The following RSRC1 variants were observed in gnomAD, a reference collection of about 807,000 sequenced individuals.
The protein encoded by RSRC1 is serine/Arginine-related protein 53.
In RSRC1, 39 loss-of-function variants were observed where a neutral mutation model predicts 49.1. The observed-to-expected ratio is 0.79, with a 90% CI of 0.61 to 1.04. The LOEUF (loss-of-function observed/expected upper bound fraction) is 1.04, where lower values mean the gene tolerates loss of function less well. RSRC1 is among the 50% of genes least tolerant of loss of function. The pLI is 0.00. For missense variants in RSRC1, 388 were observed against 402.4 expected (o/e 0.96, Z 0.31); for synonymous variants, 143 against 130.8 (o/e 1.09, Z -0.63).
intron 6 of RSRC1, among the ~76,000 whole-genome samples, chr3:158,458,913 A>G (rs1440917261): frequency 6.6e-6 from 1 of 152,206 alleles, no homozygotes; most frequent in Non-Finnish European, 1.5e-5. Flanking sequence ...CAGAAAGACA[A>G]AAAGAACATT....
intron 4 of RSRC1, among the ~76,000 whole-genome samples, chr3:158,255,682 CCATGAGCA>C (rs1724506161): frequency 6.6e-6 from 1 of 152,114 alleles, no homozygotes; most frequent in Admixed American, 6.5e-5. Context: ...TTCTTCCTGT[CCATGAGCA>C]TGGAATATTC....
chr3:158,290,528 G>A (rs141959967), intron 4 of RSRC1, among the ~76,000 whole-genome samples: 3,988 of 152,158 alleles, frequency 0.026, 182 homozygotes, highest in African/African-American at 0.092. Flanking sequence ...GCCCACCTTG[G>A]CCTCCCAAAG....
chr3:158,483,194 C>T (rs1738686589), intron 7 of RSRC1, among the ~76,000 whole-genome samples: 1 of 152,062 alleles, frequency 6.6e-6, no homozygotes, highest in African/African-American at 2.4e-5. Context: ...TACATTTGCA[C>T]TTCCATTGGA....
chr3:158,367,174 T>G (rs1307097071), intron 6 of RSRC1, among the ~76,000 whole-genome samples: 1 of 152,164 alleles, frequency 6.6e-6, no homozygotes, highest in Admixed American at 6.5e-5. Context: ...AATACTTTGT[T>G]GAATAGGAGT....
intron 3 of RSRC1, among the ~76,000 whole-genome samples, chr3:158,139,441 T>A (rs1056056272): frequency 6.6e-5 from 10 of 152,068 alleles, no homozygotes; most frequent in Non-Finnish European, 1.5e-4. Context: ...AGCATGTTTA[T>A]CTTGTGGGTG....
At chr3:158,170,411 A>G (rs1718810605) in intron 3 of RSRC1, among the ~76,000 whole-genome samples, 2 of 152,070 alleles carry the variant, frequency 1.3e-5, no homozygotes, top group East Asian at 3.9e-4. Flanking sequence ...TTAAACAAGA[A>G]AGCATACCTG....
intron 3 of RSRC1, among the ~76,000 whole-genome samples, chr3:158,163,367 C>A (rs1718352928): frequency 2.0e-5 from 3 of 152,004 alleles, no homozygotes; most frequent in Admixed American, 1.3e-4. Flanking sequence ...TTTAATGATT[C>A]CCATTTTGAA....
At chr3:158,469,516 A>C in intron 7 of RSRC1, 9 of 209,678 alleles carry the variant, frequency 4.3e-5, no homozygotes, top group South Asian at 2.6e-4. Flanking sequence ...AGTATAGCAG[A>C]GATCAAATAG....
chr3:158,245,047 T>C (rs558270466), intron 4 of RSRC1, among the ~76,000 whole-genome samples: 1 of 150,480 alleles, frequency 6.6e-6, no homozygotes, highest in Non-Finnish European at 1.5e-5. Flanking sequence ...AGTTCCATTC[T>C]GATCTTGGTT....
chr3:158,544,233 T>C lies in RSRC1; in HGVS notation c.963T>C (p.Ile321=). 1.2e-6 allele frequency: 2 copies of C among 1,612,842 alleles called. No individual in the cohort carries two copies. Among genetic ancestry groups the C allele is most frequent in the Non-Finnish European group, 1.7e-6 (2 of 1,179,420 alleles). The change falls in exon 10 of 10, where the codon ATT becomes ATC. Residue 321 remains isoleucine (I), a synonymous_variant. Coordinates refer to ENST00000611884, the MANE Select transcript of RSRC1 (RefSeq NM_001271838.2). Reference sequence around the variant, plus strand: ...AGGAAAAATGGTTCAAGAGATTAATTGCTCTCCGACAAGAAAGACTAATGG... The same window carrying C: ...AGGAAAAATGGTTCAAGAGATTAATCGCTCTCCGACAAGAAAGACTAATGG... ...DAEEKWFKRL[I]ALRQERLMGS... is the part of the protein sequence containing the mutation.
chr3:158,413,033 G>A (rs1237522418), intron 6 of RSRC1, among the ~76,000 whole-genome samples: 2 of 152,066 alleles, frequency 1.3e-5, no homozygotes, highest in African/African-American at 2.4e-5. Context: ...GCATTACCAA[G>A]ACTATCCTAA....
chr3:158,347,135 ATAG>A (rs1730599366), intron 5 of RSRC1, among the ~76,000 whole-genome samples: 1 of 152,218 alleles, frequency 6.6e-6, no homozygotes, highest in Non-Finnish European at 1.5e-5. Flanking sequence ...TAAATAGTAA[ATAG>A]TATTTCTTTT....
chr3:158,186,186 A>G (rs1400696410), intron 3 of RSRC1, among the ~76,000 whole-genome samples: 3 of 152,008 alleles, frequency 2.0e-5, no homozygotes, highest in East Asian at 3.9e-4. Flanking sequence ...ATATAAATGT[A>G]TAAAAATGTT....
intron 1 of RSRC1, among the ~76,000 whole-genome samples, chr3:158,114,422 A>T (rs897553497): frequency 2.0e-5 from 3 of 152,212 alleles, no homozygotes; most frequent in Non-Finnish European, 4.4e-5. Context: ...GTTTGAAGTC[A>T]GGTAGCATGA....
At chr3:158,311,126 C>A (rs1342692750) in intron 5 of RSRC1, among the ~76,000 whole-genome samples, 3 of 151,724 alleles carry the variant, frequency 2.0e-5, no homozygotes, top group Non-Finnish European at 4.4e-5. Context: ...TTAATCATTC[C>A]CTATACTGAA....
At chr3:158,249,883 G>A (rs964173763) in intron 4 of RSRC1, among the ~76,000 whole-genome samples, 18 of 151,770 alleles carry the variant, frequency 1.2e-4, no homozygotes, top group Admixed American at 4.6e-4. Flanking sequence ...TTACTGTAGC[G>A]ATCCTCTTGT....
In RSRC1 at chr3:158,477,798, T is replaced by TTATATATATATA. The variant is rs67839411; in HGVS notation, c.652+16813_652+16824dup. ...TGATGGGATAGGTTGCGGGAGGGAT[T>TTATATATATATA]TATATATATATATATATATATATAT... On this transcript the variant is annotated intron_variant, in intron 7 of 9. Coordinates refer to ENST00000611884, the MANE Select transcript of RSRC1 (RefSeq NM_001271838.2). Among the ~76,000 whole-genome samples, 128 of 89,746 alleles carry TTATATATATATA rather than the reference T, an allele frequency of 1.4e-3. 4 individuals carry two copies. Among genetic ancestry groups the TTATATATATATA allele is most frequent in the African/African-American group, 5.4e-3 (116 of 21,628 alleles). The allele number at this position is 89,746 out of a possible 152,430, so 58.9% of individuals were successfully genotyped here. A position where few individuals can be genotyped will look rare whatever the true frequency, so the allele number is the denominator to read the frequency against.
chr3:158,320,977 G>A (rs1244855077), intron 5 of RSRC1, among the ~76,000 whole-genome samples: 1 of 151,908 alleles, frequency 6.6e-6, no homozygotes, highest in Non-Finnish European at 1.5e-5. Context: ...ATTTTTTTGG[G>A]CCACACATAC....
chr3:158,177,689 T>C (rs1203514300), intron 3 of RSRC1, among the ~76,000 whole-genome samples: 1 of 152,076 alleles, frequency 6.6e-6, no homozygotes, highest in Non-Finnish European at 1.5e-5. Flanking sequence ...AAATACGTAA[T>C]GTAAATGACG....
Sources: allele counts gnomAD v4.1 joint callset (sites outside exome capture counted in the v4.1 genomes callset), GRCh38; gene constraint gnomAD v4.1.1; transcripts MANE v1.5; gene names NCBI Gene and HGNC (gene_info 2026-07-23, HGNC 2026-07-21).